Variants in IREB2 observed in about 807,000 individuals in gnomAD.
IREB2 encodes the protein iron responsive element binding protein 2.
A neutral mutation model predicts 118.8 loss-of-function variants in IREB2; 39 were observed. The ratio of observed to expected loss-of-function variants is 0.33; its 90% CI spans 0.25 to 0.43. IREB2 has a LOEUF of 0.43. IREB2 is among the 20% of genes least tolerant of loss of function. The pLI is 1.00. For missense variants in IREB2, 900 were observed against 1,147.3 expected, an observed-to-expected ratio of 0.78 and a Z score of 3.11; for synonymous variants, 372 against 392.2, an observed-to-expected ratio of 0.95 and a Z score of 0.61.
At chr15:78,473,911 A>G (rs977696230) in intron 8 of IREB2, 1 of 152,286 alleles carries the variant, frequency 6.6e-6, no homozygotes, top group Admixed American at 6.5e-5. Flanking sequence ...TTTGCCCATT[A>G]GAAACTGTTG....
At chr15:78,445,644 C>G (rs2050916992) in intron 2 of IREB2, among the ~76,000 whole-genome samples, 1 of 152,216 alleles carries the variant, frequency 6.6e-6, no homozygotes, top group Non-Finnish European at 1.5e-5. Context: ...AATATCCAGT[C>G]TTCCATCTCT....
chr15:78,443,532 T>C (rs79509732), intron 2 of IREB2, among the ~76,000 whole-genome samples: 1,658 of 152,342 alleles, frequency 0.011, 39 homozygotes, highest in African/African-American at 0.038. Flanking sequence ...AGGGTATCTC[T>C]ATGGAAGTGG....
intron 2 of IREB2, among the ~76,000 whole-genome samples, chr15:78,442,103 T>G (rs958177222): frequency 7.2e-5 from 11 of 152,016 alleles, no homozygotes; most frequent in African/African-American, 2.7e-4. Flanking sequence ...ACCATGTTGG[T>G]CAGGGTGATC....
chr15:78,487,258 C>T (rs1028401992), intron 13 of IREB2, among the ~76,000 whole-genome samples: 7 of 152,064 alleles, frequency 4.6e-5, no homozygotes, highest in African/African-American at 1.7e-4. Flanking sequence ...ACATTTTAAA[C>T]TCTTGGATGG....
At chr15:78,445,987 A>ATTGCCTAG (rs1306433671) in intron 2 of IREB2, among the ~76,000 whole-genome samples, 1 of 152,026 alleles carries the variant, frequency 6.6e-6, no homozygotes, top group Non-Finnish European at 1.5e-5. Flanking sequence ...GTCTCCCTAC[A>ATTGCCTAG]TTGCCTAGGC....
In IREB2 at chr15:78,438,304, C is replaced by T. The variant is rs768936705; in HGVS notation, c.-34C>T. The T allele has an allele frequency of 8.3e-6, 13 of 1,569,528 alleles. No individual in the cohort carries two copies. The highest frequency in any genetic ancestry group is 5.8e-5 in the South Asian group (5 of 85,932). ...GGCCTCCCCCTTCTTCCCCCGCTGG[C>T]CCCCTCCCCGGAGGGATAATATGGT... is the stretch of plus-strand genomic sequence containing the variant. On this transcript the variant is annotated 5_prime_UTR_variant, in exon 1 of 22. Transcript: ENST00000258886.
At chr15:78,466,184 T>C in intron 4 of IREB2, 87 bp from the exon 5 acceptor site, 1 of 758,852 alleles carries the variant, frequency 1.3e-6, no homozygotes, top group South Asian at 1.8e-5. Context: ...TACTTCCAGA[T>C]AGCGTTGCTA....
chr15:78,497,353 G>A (rs922807504), intron 21 of IREB2, 42 bp downstream of exon 21: 8 of 1,336,562 alleles, frequency 6.0e-6, no homozygotes, highest in Non-Finnish European at 8.6e-6. Context: ...GCACTCAAAT[G>A]TTTATGAATT....
At chr15:78,457,019 A>G (rs1047605714) in intron 2 of IREB2, among the ~76,000 whole-genome samples, 1 of 152,244 alleles carries the variant, frequency 6.6e-6, no homozygotes, top group Non-Finnish European at 1.5e-5. Context: ...AATGTTGAGC[A>G]TTTATGTTAT....
chr15:78,457,083 C>T (rs1376517852), intron 2 of IREB2, among the ~76,000 whole-genome samples: 3 of 152,160 alleles, frequency 2.0e-5, no homozygotes, highest in African/African-American at 7.2e-5. Flanking sequence ...TATCTCATCT[C>T]TCATATAACT....
At chr15:78,474,234 A>G (rs960356230) in intron 8 of IREB2, 5 of 152,212 alleles carry the variant, frequency 3.3e-5, no homozygotes, top group Non-Finnish European at 5.9e-5. Context: ...TATAATTCCA[A>G]TTTGAGTCCC....
intron 2 of IREB2, among the ~76,000 whole-genome samples, chr15:78,442,362 G>T (rs534219706): frequency 1.4e-4 from 21 of 152,324 alleles, no homozygotes; most frequent in South Asian, 4.1e-4. Flanking sequence ...AATCCTTATT[G>T]CATTTTTGAA....
chr15:78,490,679 G>A lies in IREB2; in HGVS notation c.2242G>A (p.Asp748Asn). ...ENAHVLLYLG[D>N]SVTTDHISPA... ...TGCCCATGTCTTATTATATTTGGGA[G>A]ACTCTGTCACAACAGATCATATATC... The change falls in exon 18 of 22, where the codon GAC becomes AAC. Residue 748 changes from aspartate (D) to asparagine (N), a missense_variant. Physicochemically the swap from Asp to Asn is conservative, Grantham distance 23. Coordinates refer to ENST00000258886, the MANE Select transcript of IREB2 (RefSeq NM_004136.4). 1 of 1,613,894 alleles carries A rather than the reference G, an allele frequency of 6.2e-7. No homozygotes were observed.
chr15:78,475,154 T>A (rs904372865), intron 8 of IREB2: 2 of 151,758 alleles, frequency 1.3e-5, no homozygotes, highest in Non-Finnish European at 2.9e-5. Flanking sequence ...GGGTTTGGAT[T>A]AAGTGATCCC....
In IREB2 at chr15:78,488,789, T is replaced by G; in HGVS notation, c.2076+18T>G. On this transcript the variant is annotated intron_variant, in intron 16 of 21. Coordinates refer to ENST00000258886, the MANE Select transcript of IREB2 (RefSeq NM_004136.4). Reference sequence around the variant, plus strand: ...AAATAGAAGTAAGAGTCTTATGTGTTTCTTAAATAGTTTAATCAATTTGCA... The same window carrying G: ...AAATAGAAGTAAGAGTCTTATGTGTGTCTTAAATAGTTTAATCAATTTGCA... 1 of 1,365,686 alleles carries G rather than the reference T, an allele frequency of 7.3e-7. No homozygotes were observed. The highest frequency in any genetic ancestry group is 1.0e-6 in the Non-Finnish European group (1 of 977,930). The allele number at this position is 1,365,686 out of a possible 1,614,324, so 84.6% of individuals were successfully genotyped here. A position where few individuals can be genotyped will look rare whatever the true frequency, so the allele number is the denominator to read the frequency against.
At position 78,438,251 on chromosome 15, in the gene IREB2, C is replaced by T. The variant is rs1268990242; in HGVS notation, c.-87C>T. 4.8e-6 allele frequency: 5 copies of T among 1,045,504 alleles called. No homozygotes were observed. Among genetic ancestry groups the T allele is most frequent in the Middle Eastern group, 2.0e-4 (1 of 5,044 alleles). The allele number at this position is 1,045,504 out of a possible 1,614,324, so 64.8% of individuals were successfully genotyped here. The stretch of plus-strand genomic sequence containing the variant: ...CCTTCTTTCCTCCCTTGCCAGTCCG[C>T]CTGTCTTCCTCCCCGTCTTCCCTGC... On this transcript the variant is annotated 5_prime_UTR_variant, in exon 1 of 22. Coordinates refer to ENST00000258886, the MANE Select transcript of IREB2 (RefSeq NM_004136.4).
chr15:78,448,735 G>A (rs560601689), intron 2 of IREB2, among the ~76,000 whole-genome samples: 6 of 152,290 alleles, frequency 3.9e-5, no homozygotes, highest in Non-Finnish European at 5.9e-5. Flanking sequence ...TAGCTATGCT[G>A]GCTGGTTTCT....
intron 18 of IREB2, among the ~76,000 whole-genome samples, chr15:78,492,515 G>T (rs952278733): frequency 3.3e-5 from 5 of 152,254 alleles, no homozygotes; most frequent in Admixed American, 1.3e-4. Context: ...TTCATGTATG[G>T]AATGTATTTC....
intron 2 of IREB2, among the ~76,000 whole-genome samples, chr15:78,453,939 T>C (rs1233758921): frequency 6.6e-6 from 1 of 152,166 alleles, no homozygotes; most frequent in Non-Finnish European, 1.5e-5. Context: ...GTTTTAGGAA[T>C]TTTTTCCTCA....
Sources: allele counts gnomAD v4.1 joint callset (sites outside exome capture counted in the v4.1 genomes callset), GRCh38; gene constraint gnomAD v4.1.1; transcripts MANE v1.5; gene names NCBI Gene and HGNC (gene_info 2026-07-23, HGNC 2026-07-21).